KLHL4: variants seen among roughly 807,000 people sequenced by gnomAD.
KLHL4 encodes kelch-like protein 4.
In KLHL4, 17 loss-of-function variants were observed where a neutral mutation model predicts 45.8. The ratio of observed to expected loss-of-function variants is 0.37; its 90% CI spans 0.25 to 0.56. The LOEUF (loss-of-function observed/expected upper bound fraction) is 0.56. Among genes scored for constraint, KLHL4 ranks in the 20% least tolerant of loss-of-function variants. KLHL4 has a pLI of 0.79. For synonymous variants in KLHL4, 224 were observed against 189.9 expected, an observed-to-expected ratio of 1.18 and a Z score of -1.47; for missense variants, 544 against 544.9, an observed-to-expected ratio of 1.00 and a Z score of 0.02.
chrX:87,600,373 A>AC (rs1299820118), intron 1 of KLHL4, among the ~76,000 whole-genome samples: 1 of 109,769 alleles, frequency 9.1e-6, no homozygotes, highest in South Asian at 4.0e-4. Flanking sequence ...AGTCCCAGCT[A>AC]TCAGGAGGCT....
intron 10 of KLHL4, among the ~76,000 whole-genome samples, 174 bp from the exon 11 acceptor site, chrX:87,666,301 A>G (rs984463040): frequency 1.4e-4 from 16 of 111,560 alleles, no homozygotes; most frequent in African/African-American, 4.5e-4. Context: ...TCTAAAGGCT[A>G]TGTTTTTTCC....
In KLHL4 at chrX:87,545,486, C is replaced by T. The variant is rs946832002; in HGVS notation, c.422+27171C>T. 3.0e-5 allele frequency among the ~76,000 whole-genome samples: 3 copies of T among 99,287 alleles called. No homozygotes were observed. The South Asian group carries it at 1.4e-3, about 47-fold the overall frequency. The allele number at this position is 99,287 out of a possible 115,157, so 86.2% of individuals were successfully genotyped here. On this transcript the variant is annotated intron_variant, in intron 1 of 10. Coordinates refer to ENST00000373119, the MANE Select transcript of KLHL4 (RefSeq NM_019117.5). ...GCTGCCATGTAAGACGTGCCTGCCT[C>T]CCCCTCTGACATGATTGTTAAGTTT... is the stretch of plus-strand genomic sequence containing the variant.
rs960096993 is a variant in KLHL4 at position 87,539,895 on chromosome X, A to G, written c.422+21580A>G. On this transcript the variant is annotated intron_variant, in intron 1 of 10. Coordinates refer to ENST00000373119, the MANE Select transcript of KLHL4 (RefSeq NM_019117.5). ...AGTTTTAGAAATGTATTGTTAGGCA[A>G]TTTTGTCTTCGTCTGAACATCACAG... Among the ~76,000 whole-genome samples the G allele has an allele frequency of 3.6e-5, 4 of 110,739 alleles. 1 individual carries two copies. The Admixed American group carries it at 3.9e-4, about 11-fold the overall frequency.
At chrX:87,647,802 A>T (rs992760436) in intron 9 of KLHL4, among the ~76,000 whole-genome samples, 2 of 111,246 alleles carry the variant, frequency 1.8e-5, no homozygotes, top group Non-Finnish European at 3.8e-5. Flanking sequence ...AGAAATAACC[A>T]CTAAAGAAAT....
intron 4 of KLHL4, among the ~76,000 whole-genome samples, chrX:87,621,989 A>G (rs17325969): frequency 0.039 from 4,360 of 111,469 alleles, 87 homozygotes; most frequent in East Asian, 0.13. Context: ...CTAACCTTGT[A>G]TGTTCTATAA....
At chrX:87,546,526 G>T (rs1358529949) in intron 1 of KLHL4, among the ~76,000 whole-genome samples, 1 of 112,522 alleles carries the variant, frequency 8.9e-6, no homozygotes, top group Non-Finnish European at 1.9e-5. Flanking sequence ...CTCTGTCAGG[G>T]CAGTGCAAAG....
At chrX:87,612,698 C>T (rs1006541081) in intron 1 of KLHL4, among the ~76,000 whole-genome samples, 3 of 111,998 alleles carry the variant, frequency 2.7e-5, no homozygotes, top group Non-Finnish European at 5.6e-5. Context: ...TACATCATTT[C>T]TTCACATAAA....
chrX:87,633,981 C>T lies in KLHL4; in HGVS notation c.1712+70C>T, dbSNP rs1050247137. The T allele has an allele frequency of 1.2e-4, 107 of 875,564 alleles. 1 individual carries two copies. Among genetic ancestry groups the T allele is most frequent in the Non-Finnish European group, 1.4e-4 (90 of 640,057 alleles). The allele number at this position is 875,564 out of a possible 1,213,427, so 72.2% of individuals were successfully genotyped here. A position where few individuals can be genotyped will look rare whatever the true frequency, so the allele number is the denominator to read the frequency against. On this transcript the variant is annotated intron_variant, in intron 8 of 10. Transcript: ENST00000373119. ...AGTATAGAACTTCGGTGACATGATC[C>T]ATCCAATCAATTAGCATTCCAAATA... is the stretch of plus-strand genomic sequence containing the variant.
At chrX:87,643,170 G>A (rs1363808203) in intron 9 of KLHL4, among the ~76,000 whole-genome samples, 1 of 111,548 alleles carries the variant, frequency 9.0e-6, no homozygotes, top group African/African-American at 3.3e-5. Context: ...TAGACCATTA[G>A]CAAGATTAAC....
chrX:87,586,764 A>C (rs967742621), intron 1 of KLHL4, among the ~76,000 whole-genome samples: 1 of 111,568 alleles, frequency 9.0e-6, no homozygotes, highest in African/African-American at 3.2e-5. Flanking sequence ...AGAAGAAAAT[A>C]AATAATAAAA....
At chrX:87,589,085 T>A (rs969131546) in intron 1 of KLHL4, among the ~76,000 whole-genome samples, 3 of 111,751 alleles carry the variant, frequency 2.7e-5, no homozygotes, top group Non-Finnish European at 5.6e-5. Flanking sequence ...ATCAGAGAAA[T>A]GCAAATCAAA....
At chrX:87,523,791 C>T (rs954390204) in intron 1 of KLHL4, among the ~76,000 whole-genome samples, 7 of 109,739 alleles carry the variant, frequency 6.4e-5, no homozygotes, top group African/African-American at 1.7e-4. Context: ...AGTGAAACCC[C>T]GTCTGTACTA....
In KLHL4 at chrX:87,667,990, C is replaced by T; in HGVS notation, c.*1456C>T. 1.4e-6 allele frequency: 1 copy of T among 724,647 alleles called. No homozygotes were observed. Among genetic ancestry groups the T allele is most frequent in the Non-Finnish European group, 1.6e-6 (1 of 612,324 alleles). 59.7% of individuals were successfully genotyped at this position (724,647 alleles called of 1,213,427 possible). On this transcript the variant is annotated 3_prime_UTR_variant, in exon 11 of 11. Transcript: ENST00000373119. ...AACCTGAATGGACTTTTTGATTTTACATTTCCTATATCACTAAAATACTTA... is the reference window on the plus strand; with the variant it reads ...AACCTGAATGGACTTTTTGATTTTATATTTCCTATATCACTAAAATACTTA...
intron 1 of KLHL4, among the ~76,000 whole-genome samples, chrX:87,577,798 C>T (rs1921145280): frequency 1.8e-5 from 2 of 111,421 alleles, no homozygotes; most frequent in Admixed American, 9.6e-5. Context: ...CGTTTTACAA[C>T]TGCCTTCCTG....
chrX:87,539,377 T>A (rs1931504089), intron 1 of KLHL4, among the ~76,000 whole-genome samples: 1 of 110,292 alleles, frequency 9.1e-6, no homozygotes, highest in Non-Finnish European at 1.9e-5. Flanking sequence ...GGGTCTAGAG[T>A]TCCTTTAATG....
At chrX:87,633,475 T>C (rs746279615) in intron 7 of KLHL4, among the ~76,000 whole-genome samples, 1 of 111,601 alleles carries the variant, frequency 9.0e-6, no homozygotes, top group South Asian at 3.8e-4. Flanking sequence ...ATTACATATC[T>C]AGTGTAATTT....
chrX:87,573,092 G>T (rs764314110), intron 1 of KLHL4, among the ~76,000 whole-genome samples: 44 of 111,796 alleles, frequency 3.9e-4, no homozygotes, highest in Non-Finnish European at 6.8e-4. Flanking sequence ...TGAAATGCAG[G>T]ATTCTTGCTT....
At chrX:87,531,178 A>T (rs1372714293) in intron 1 of KLHL4, among the ~76,000 whole-genome samples, 1 of 109,417 alleles carries the variant, frequency 9.1e-6, no homozygotes, top group African/African-American at 3.3e-5. Flanking sequence ...CCTTTGTCAG[A>T]TGAGTAGGTT....
chrX:87,588,708 T>C (rs1921560502), intron 1 of KLHL4, among the ~76,000 whole-genome samples: 1 of 110,353 alleles, frequency 9.1e-6, no homozygotes, highest in South Asian at 3.8e-4. Context: ...CAAGAAAACA[T>C]TGGGTAAAAT....
Sources: gnomAD v4.1 joint callset for allele counts (sites outside exome capture counted in the v4.1 genomes callset) on GRCh38, gnomAD v4.1.1 for gene constraint, MANE v1.5 for transcripts, NCBI Gene and HGNC (gene_info 2026-07-23, HGNC 2026-07-21) for gene names.